The following SDCCAG8 variants were observed in gnomAD, a reference collection of about 807,000 sequenced individuals.
The protein encoded by SDCCAG8 is serologically defined colon cancer antigen 8.
A neutral mutation model predicts 101.8 loss-of-function variants in SDCCAG8; 74 were observed. The ratio of observed to expected loss-of-function variants is 0.73; its 90% CI spans 0.60 to 0.88. The LOEUF is 0.88. Ranked by LOEUF, SDCCAG8 falls within the 40% of genes least tolerant of loss-of-function variation. SDCCAG8 has a pLI of 0.00. For synonymous variants in SDCCAG8, 281 were observed against 292.9 expected, an observed-to-expected ratio of 0.96 and a Z score of 0.41; for missense variants, 787 against 822.6, an observed-to-expected ratio of 0.96 and a Z score of 0.53.
intron 5 of SDCCAG8, among the ~76,000 whole-genome samples, chr1:243,292,579 A>T (rs1187185146): frequency 2.0e-5 from 3 of 152,192 alleles, no homozygotes; most frequent in African/African-American, 7.2e-5. Flanking sequence ...TGTGACCCTC[A>T]GCTACTCTAT....
At chr1:243,419,451 A>G (rs56394517) in intron 15 of SDCCAG8, among the ~76,000 whole-genome samples, 17,399 of 152,242 alleles carry the variant, frequency 0.11, 1,120 homozygotes, top group African/African-American at 0.15. Flanking sequence ...AAATGATATC[A>G]ATCTGGGTTT....
intron 10 of SDCCAG8, among the ~76,000 whole-genome samples, chr1:243,334,580 AGTT>A (rs1019580719): frequency 6.6e-6 from 1 of 151,060 alleles, no homozygotes; most frequent in Non-Finnish European, 1.5e-5. Context: ...GATTCTTCAG[AGTT>A]GTTTGTTTGT....
intron 16 of SDCCAG8, among the ~76,000 whole-genome samples, chr1:243,443,361 C>T (rs978101051): frequency 3.3e-5 from 5 of 152,214 alleles, no homozygotes; most frequent in Non-Finnish European, 7.3e-5. Flanking sequence ...TTCATCTTCA[C>T]CTGTTTATGA....
intron 1 of SDCCAG8, among the ~76,000 whole-genome samples, chr1:243,263,121 C>A (rs1016446379): frequency 1.3e-5 from 2 of 152,188 alleles, no homozygotes; most frequent in Middle Eastern, 3.2e-3. Flanking sequence ...GCAACACTTA[C>A]AATGTAATGT....
intron 12 of SDCCAG8, among the ~76,000 whole-genome samples, chr1:243,357,800 C>T (rs186918974): frequency 1.4e-4 from 21 of 152,242 alleles, no homozygotes; most frequent in Non-Finnish European, 2.5e-4. Flanking sequence ...TACACATTTA[C>T]AGTCAATTGA....
chr1:243,339,324 T>A (rs531933159), intron 10 of SDCCAG8, among the ~76,000 whole-genome samples: 3 of 152,214 alleles, frequency 2.0e-5, no homozygotes, highest in Non-Finnish European at 4.4e-5. Flanking sequence ...AAGTAAAATA[T>A]GATTTTTAGT....
At chr1:243,261,158 C>T (rs904507312) in intron 1 of SDCCAG8, among the ~76,000 whole-genome samples, 2 of 152,116 alleles carry the variant, frequency 1.3e-5, no homozygotes, top group African/African-American at 2.4e-5. Flanking sequence ...CTTCCTTGCT[C>T]CCTCCCTCTT....
At chr1:243,278,793 AT>A (rs1222823660) in intron 4 of SDCCAG8, among the ~76,000 whole-genome samples, 1 of 151,588 alleles carries the variant, frequency 6.6e-6, no homozygotes, top group East Asian at 1.9e-4. Flanking sequence ...ATTTTAATTA[AT>A]TTTCTTGAGG....
At chr1:243,429,239 G>T (rs977007815) in intron 16 of SDCCAG8, among the ~76,000 whole-genome samples, 1 of 152,122 alleles carries the variant, frequency 6.6e-6, no homozygotes, top group Non-Finnish European at 1.5e-5. Flanking sequence ...TACTGTAAAA[G>T]TATTTTCTCT....
chr1:243,380,313 G>A (rs981799828), intron 13 of SDCCAG8, among the ~76,000 whole-genome samples: 1 of 152,234 alleles, frequency 6.6e-6, no homozygotes, highest in Non-Finnish European at 1.5e-5. Context: ...TCAGAATTTA[G>A]CTTCATCATG....
At chr1:243,298,112 G>T (rs1290850687) in intron 6 of SDCCAG8, among the ~76,000 whole-genome samples, 1 of 148,064 alleles carries the variant, frequency 6.8e-6, no homozygotes, top group Admixed American at 6.8e-5. Flanking sequence ...GCAGTGGTGC[G>T]ATCTCAGCTC....
chr1:243,299,301 C>G (rs2071261162), intron 6 of SDCCAG8, among the ~76,000 whole-genome samples: 1 of 152,138 alleles, frequency 6.6e-6, no homozygotes, highest in Non-Finnish European at 1.5e-5. Context: ...TATCTTTTCC[C>G]TCCTTTTACT....
intron 13 of SDCCAG8, among the ~76,000 whole-genome samples, chr1:243,395,988 T>C (rs1320384361): frequency 1.3e-5 from 2 of 152,132 alleles, no homozygotes; most frequent in Non-Finnish European, 2.9e-5. Context: ...AAAGCAGCCT[T>C]ATGAATGAAG....
chr1:243,367,479 T>G (rs1489811594), intron 12 of SDCCAG8, among the ~76,000 whole-genome samples: 1 of 151,938 alleles, frequency 6.6e-6, no homozygotes, highest in Non-Finnish European at 1.5e-5. Flanking sequence ...TTTAAAAAAT[T>G]GTGCCAATTT....
chr1:243,273,300 A>G (rs1412937917), intron 3 of SDCCAG8, among the ~76,000 whole-genome samples: 1 of 152,224 alleles, frequency 6.6e-6, no homozygotes, highest in African/African-American at 2.4e-5. Context: ...CCTCATTTCA[A>G]GCTTTCCTCT....
chr1:243,279,741 T>C (rs1447201734), intron 4 of SDCCAG8, among the ~76,000 whole-genome samples: 1 of 152,226 alleles, frequency 6.6e-6, no homozygotes, highest in Non-Finnish European at 1.5e-5. Flanking sequence ...TGTTGTGTAA[T>C]TAGAATAAAT....
chr1:243,352,935 A>G (rs2076161056), intron 12 of SDCCAG8, among the ~76,000 whole-genome samples: 1 of 152,164 alleles, frequency 6.6e-6, no homozygotes, highest in Admixed American at 6.5e-5. Context: ...CCTGTAAGGG[A>G]AAATGATAGT....
chr1:243,430,331 G>T (rs1264466181), intron 16 of SDCCAG8, among the ~76,000 whole-genome samples: 2 of 152,190 alleles, frequency 1.3e-5, no homozygotes, highest in African/African-American at 4.8e-5. Flanking sequence ...GGAAGAGCAA[G>T]AACTGTGTGT....
At chr1:243,481,667 C>T (rs996344741) in intron 16 of SDCCAG8, among the ~76,000 whole-genome samples, 3 of 152,124 alleles carry the variant, frequency 2.0e-5, no homozygotes, top group African/African-American at 7.2e-5. Context: ...TGAGTCTAAG[C>T]ACTTTGAGAA....
Sources: gnomAD v4.1 joint callset for allele counts (sites outside exome capture counted in the v4.1 genomes callset) on GRCh38, gnomAD v4.1.1 for gene constraint, MANE v1.5 for transcripts, NCBI Gene and HGNC (gene_info 2026-07-23, HGNC 2026-07-21) for gene names.